DGKB: variants seen among roughly 807,000 people sequenced by gnomAD.
DGKB encodes 90 kDa diacylglycerol kinase.
A neutral mutation model predicts 114.3 loss-of-function variants in DGKB; 67 were observed. The ratio of observed to expected loss-of-function variants is 0.59; its 90% CI spans 0.48 to 0.72. DGKB has a LOEUF of 0.72. DGKB is among the 30% of genes least tolerant of loss of function. The pLI is 0.00. For missense variants in DGKB, 907 were observed against 975.2 expected, an observed-to-expected ratio of 0.93 and a Z score of 0.93; for synonymous variants, 398 against 323.1, an observed-to-expected ratio of 1.23 and a Z score of -2.49.
intron 23 of DGKB, among the ~76,000 whole-genome samples, chr7:14,325,159 T>C (rs1419360473): frequency 6.6e-6 from 1 of 152,160 alleles, no homozygotes; most frequent in Non-Finnish European, 1.5e-5. Flanking sequence ...AGTGCTCTTA[T>C]AAACAGCTCT....
intron 1 of DGKB, among the ~76,000 whole-genome samples, chr7:14,843,962 T>G (rs1182331831): frequency 6.6e-6 from 1 of 152,180 alleles, no homozygotes; most frequent in Non-Finnish European, 1.5e-5. Context: ...AGTCTCCCCT[T>G]TTGACAAATA....
At chr7:14,202,570 T>C (rs1786071362) in intron 23 of DGKB, among the ~76,000 whole-genome samples, 1 of 152,052 alleles carries the variant, frequency 6.6e-6, no homozygotes, top group Admixed American at 6.6e-5. Flanking sequence ...ATCAATTTGC[T>C]ACATTTTTGG....
intron 20 of DGKB, among the ~76,000 whole-genome samples, chr7:14,527,708 T>C (rs1206711664): frequency 1.3e-5 from 2 of 152,088 alleles, no homozygotes; most frequent in African/African-American, 4.8e-5. Context: ...ACTTCCAATT[T>C]TTTAATGAAA....
chr7:14,853,893 A>T (rs1409367418), intron 1 of DGKB, among the ~76,000 whole-genome samples: 3 of 137,946 alleles, frequency 2.2e-5, no homozygotes, highest in Admixed American at 7.2e-5. Context: ...AAAAAAAAAA[A>T]TTTATCATAA....
At chr7:14,939,668 C>T (rs1269837188) in intron 1 of DGKB, among the ~76,000 whole-genome samples, 3 of 138,878 alleles carry the variant, frequency 2.2e-5, no homozygotes, top group Non-Finnish European at 4.5e-5. Flanking sequence ...CTCGTTCTGC[C>T]CAGGCTGGAG....
rs1822452329 is a variant in DGKB at position 14,397,670 on chromosome 7, A to G, written c.1836-52279T>C. ...GGTCCAGTGGACACTTCTTTGTCAT[A>G]TATTTCTCCTTTTGATTACTTATTT... On this transcript the variant is annotated intron_variant, in intron 21 of 25. Coordinates refer to ENST00000402815, the MANE Select transcript of DGKB (RefSeq NM_001350709.2). Among the ~76,000 whole-genome samples, 4 of 151,914 alleles carry G rather than the reference A, an allele frequency of 2.6e-5. No individual in the cohort carries two copies. In the South Asian group the frequency reaches 8.3e-4, roughly 31 times the overall value.
intron 23 of DGKB, among the ~76,000 whole-genome samples, chr7:14,319,888 C>A (rs1585114948): frequency 6.6e-6 from 1 of 152,146 alleles, no homozygotes; most frequent in Admixed American, 6.5e-5. Flanking sequence ...CATCCACAAG[C>A]ATCTTCTTTG....
At chr7:14,169,272 G>T (rs1780469182) in intron 25 of DGKB, among the ~76,000 whole-genome samples, 1 of 151,506 alleles carries the variant, frequency 6.6e-6, no homozygotes, top group African/African-American at 2.4e-5. Flanking sequence ...GGCTGAGGCA[G>T]GAGAATGGCG....
chr7:14,305,862 C>T (rs1170212726), intron 23 of DGKB, among the ~76,000 whole-genome samples: 1 of 152,098 alleles, frequency 6.6e-6, no homozygotes, highest in Non-Finnish European at 1.5e-5. Flanking sequence ...AACTACCAGT[C>T]TACTTGAATT....
At chr7:14,583,389 C>A (rs1012653696) in intron 17 of DGKB, among the ~76,000 whole-genome samples, 1 of 151,814 alleles carries the variant, frequency 6.6e-6, no homozygotes, top group South Asian at 2.1e-4. Flanking sequence ...TTAATAAACT[C>A]TAAAATTTTA....
chr7:14,592,954 T>C (rs542965937), intron 17 of DGKB, among the ~76,000 whole-genome samples: 5 of 152,120 alleles, frequency 3.3e-5, no homozygotes, highest in Admixed American at 2.6e-4. Flanking sequence ...TTTTGAGATA[T>C]TGTGTGGAAG....
intron 1 of DGKB, among the ~76,000 whole-genome samples, chr7:14,952,085 G>C (rs1191937525): frequency 5.3e-5 from 8 of 151,968 alleles, no homozygotes; most frequent in Admixed American, 5.3e-4. Flanking sequence ...AATCCAGTAT[G>C]ACTTTATCCT....
intron 13 of DGKB, among the ~76,000 whole-genome samples, chr7:14,644,274 C>G (rs1347499041): frequency 1.3e-5 from 2 of 152,162 alleles, no homozygotes; most frequent in Non-Finnish European, 2.9e-5. Context: ...ACAGCTATAT[C>G]AGAGATGTAG....
At chr7:14,769,396 C>G (rs574132979) in intron 2 of DGKB, among the ~76,000 whole-genome samples, 11 of 152,088 alleles carry the variant, frequency 7.2e-5, no homozygotes, top group Admixed American at 3.3e-4. Context: ...ATGTGTAAGG[C>G]TAAAGCAGTC....
intron 1 of DGKB, among the ~76,000 whole-genome samples, chr7:14,846,310 C>G (rs1041307497): frequency 2.0e-5 from 3 of 152,144 alleles, no homozygotes; most frequent in African/African-American, 7.2e-5. Flanking sequence ...TCATAATTCT[C>G]ATAGTTCTAA....
chr7:14,559,386 G>A (rs186635252), intron 20 of DGKB, among the ~76,000 whole-genome samples: 22 of 152,212 alleles, frequency 1.4e-4, no homozygotes, highest in East Asian at 5.8e-4. Flanking sequence ...GGGGCACAGC[G>A]TAGAGGGTAA....
intron 2 of DGKB, among the ~76,000 whole-genome samples, chr7:14,785,624 T>C (rs1418357378): frequency 6.6e-6 from 1 of 152,162 alleles, no homozygotes; most frequent in Non-Finnish European, 1.5e-5. Flanking sequence ...ATCAAAAACA[T>C]GTGGGAGAAA....
intron 21 of DGKB, among the ~76,000 whole-genome samples, chr7:14,383,610 C>G (rs1488417696): frequency 6.6e-6 from 1 of 152,114 alleles, no homozygotes; most frequent in African/African-American, 2.4e-5. Context: ...TTTGCTCCAG[C>G]CCGCGTATCA....
intron 1 of DGKB, among the ~76,000 whole-genome samples, chr7:14,843,495 C>T (rs372218418): frequency 2.3e-4 from 35 of 150,534 alleles, no homozygotes; most frequent in East Asian, 9.8e-4. Context: ...CCACCGCGCC[C>T]GGCTAATTTT....
Sources: allele counts gnomAD v4.1 joint callset (sites outside exome capture counted in the v4.1 genomes callset), GRCh38; gene constraint gnomAD v4.1.1; transcripts MANE v1.5; gene names NCBI Gene and HGNC (gene_info 2026-07-23, HGNC 2026-07-21).